Variants in RAB11FIP2 observed in about 807,000 individuals in gnomAD.
RAB11FIP2 encodes rab11 family-interacting protein 2.
RAB11FIP2 carries 16 observed loss-of-function variants against 40.9 expected under a neutral mutation model. That is an observed-to-expected ratio of 0.39 (90% confidence interval 0.26 to 0.59). The LOEUF (loss-of-function observed/expected upper bound fraction) is 0.59, where lower values mean the gene tolerates loss of function less well. Among genes scored for constraint, RAB11FIP2 ranks in the 20% least tolerant of loss-of-function variants. The pLI, the probability that RAB11FIP2 is intolerant of heterozygous loss-of-function variation, is 0.53. For missense variants in RAB11FIP2, 532 were observed against 606.2 expected, an observed-to-expected ratio of 0.88 and a Z score of 1.28; for synonymous variants, 228 against 213.7, an observed-to-expected ratio of 1.07 and a Z score of -0.58.
In RAB11FIP2 at chr10:118,007,837, T is replaced by C. The variant is rs989179660; in HGVS notation, c.*1161A>G. ...TAAAGGGTGGATGTGGAGTAATGCA[T>C]AATGTCACGCTCGTAAAGTTCTCTT... is the stretch of plus-strand genomic sequence containing the variant. On this transcript the variant is annotated 3_prime_UTR_variant, in exon 5 of 5. Transcript: ENST00000355624. The C allele has an allele frequency of 6.6e-6, 1 of 152,450 alleles. No individual in the cohort carries two copies. Among genetic ancestry groups the C allele is most frequent in the African/African-American group, 2.4e-5 (1 of 41,440 alleles). The allele number at this position is 152,450 out of a possible 1,614,324, so 9.4% of individuals were successfully genotyped here. A position where few individuals can be genotyped will look rare whatever the true frequency, so the allele number is the denominator to read the frequency against.
intron 3 of RAB11FIP2, among the ~76,000 whole-genome samples, chr10:118,033,537 G>C (rs948339631): frequency 3.3e-5 from 5 of 152,122 alleles, no homozygotes; most frequent in Admixed American, 6.5e-5. Context: ...AACACTCAGA[G>C]ATGAGTTGAG....
intron 3 of RAB11FIP2, among the ~76,000 whole-genome samples, chr10:118,034,604 G>A (rs550655441): frequency 6.6e-6 from 1 of 152,148 alleles, no homozygotes; most frequent in Non-Finnish European, 1.5e-5. Context: ...CAAATTGTGT[G>A]ATAAACCAAA....
intron 4 of RAB11FIP2, among the ~76,000 whole-genome samples, chr10:118,009,738 C>A (rs557463754): frequency 2.0e-5 from 3 of 152,028 alleles, no homozygotes; most frequent in Non-Finnish European, 4.4e-5. Flanking sequence ...TGGAAGCACT[C>A]GGAATTAAAT....
At chr10:118,035,381 C>G (rs1043434909) in intron 3 of RAB11FIP2, among the ~76,000 whole-genome samples, 3 of 152,102 alleles carry the variant, frequency 2.0e-5, no homozygotes, top group Non-Finnish European at 4.4e-5. Context: ...TCCTTTAAAA[C>G]TTAGATTTTT....
rs148510959 is a variant in RAB11FIP2, at chr10:118,012,130, T to C, written c.1312-2905A>G. Among the ~76,000 whole-genome samples, 509 of 152,100 alleles carry C rather than the reference T, an allele frequency of 3.3e-3. 2 individuals are homozygous for C. Among genetic ancestry groups the C allele is most frequent in the Middle Eastern group, 6.8e-3 (2 of 294 alleles). ...TTAAAGCCATGATATAAATTAATAG[T>C]TTAATCTTTCAAAATAATCAATTAT... On this transcript the variant is annotated intron_variant, in intron 4 of 4. Coordinates refer to ENST00000355624, the MANE Select transcript of RAB11FIP2 (RefSeq NM_014904.3).
In RAB11FIP2 at chr10:118,046,467, T is replaced by A; in HGVS notation, c.-304A>T. The A allele has an allele frequency of 6.7e-6, 2 of 297,306 alleles. No individual in the cohort carries two copies. Among genetic ancestry groups the A allele is most frequent in the Admixed American group, 4.7e-5 (1 of 21,214 alleles). The allele number at this position is 297,306 out of a possible 1,614,324, so 18.4% of individuals were successfully genotyped here. A position where few individuals can be genotyped will look rare whatever the true frequency, so the allele number is the denominator to read the frequency against. On this transcript the variant is annotated 5_prime_UTR_variant, in exon 1 of 5. Coordinates refer to ENST00000355624, the MANE Select transcript of RAB11FIP2 (RefSeq NM_014904.3). ...ACCTTCCCCAGGCCTGCGGGGCACG[T>A]GAGGCCTGGCCACACGGACCCGGGC...
chr10:118,024,139 TCAAA>T (rs1256853595), intron 3 of RAB11FIP2, among the ~76,000 whole-genome samples: 1 of 148,494 alleles, frequency 6.7e-6, no homozygotes, highest in Non-Finnish European at 1.5e-5. Flanking sequence ...TCAAAGACAG[TCAAA>T]CAACCCACAA....
In RAB11FIP2 at chr10:118,009,161, T is replaced by C; in HGVS notation, c.1376A>G (p.Glu459Gly). ...AAGGAGTTCTTTGTGTTTCACCAGCTCCTGTAGAACCTCTTCATAGGTCAG... is the reference window on the plus strand; with the variant it reads ...AAGGAGTTCTTTGTGTTTCACCAGCCCCTGTAGAACCTCTTCATAGGTCAG... ...RSLTYEEVLQELVKHKELLRR... is the reference protein window; with the variant it reads ...RSLTYEEVLQGLVKHKELLRR... Residue 459 changes from glutamate (E) to glycine (G), a missense_variant, in exon 5 of 5, where the codon GAG (glutamate) becomes GGG (glycine). By Grantham distance (98) the Glu-to-Gly change is moderately conservative. Transcript: ENST00000355624. 6.2e-7 allele frequency: 1 copy of C among 1,613,598 alleles called. No homozygotes were observed. Among genetic ancestry groups the C allele is most frequent in the Non-Finnish European group, 8.5e-7 (1 of 1,179,600 alleles).
intron 3 of RAB11FIP2, among the ~76,000 whole-genome samples, chr10:118,016,647 A>G (rs1846223161): frequency 6.6e-6 from 1 of 152,180 alleles, no homozygotes; most frequent in South Asian, 2.1e-4. Flanking sequence ...ATTCTGCTAC[A>G]TCTCCCATCT....
In RAB11FIP2 at chr10:118,008,725, G is replaced by T; in HGVS notation, c.*273C>A. ...TTTCTGGGCCTATGGCAGATTAGTG[G>T]GTCAGTACCAGCACCTGAGTGAGTC... is the stretch of plus-strand genomic sequence containing the variant. On this transcript the variant is annotated 3_prime_UTR_variant, in exon 5 of 5. Coordinates refer to ENST00000355624, the MANE Select transcript of RAB11FIP2 (RefSeq NM_014904.3). 2.7e-6 allele frequency: 1 copy of T among 373,556 alleles called. No homozygotes were observed. Among genetic ancestry groups the T allele is most frequent in the South Asian group, 3.4e-5 (1 of 29,304 alleles). The allele number at this position is 373,556 out of a possible 1,614,324, so 23.1% of individuals were successfully genotyped here.
intron 3 of RAB11FIP2, among the ~76,000 whole-genome samples, chr10:118,027,246 C>T (rs1323503921): frequency 1.3e-5 from 2 of 152,148 alleles, no homozygotes; most frequent in African/African-American, 4.8e-5. Context: ...AGTAAGGCCA[C>T]GCGGCTAACA....
intron 2 of RAB11FIP2, 41 bp downstream of exon 2, chr10:118,040,082 G>T: frequency 6.6e-7 from 1 of 1,519,180 alleles, no homozygotes; most frequent in Non-Finnish European, 9.0e-7. Context: ...AAACTAAAAG[G>T]GTAGTTCAGA....
At chr10:118,021,047 C>T (rs1167491644) in intron 3 of RAB11FIP2, among the ~76,000 whole-genome samples, 1 of 151,196 alleles carries the variant, frequency 6.6e-6, no homozygotes, top group East Asian at 1.9e-4. Context: ...AATGATAATT[C>T]ACTGCTAGCC....
rs529377317 is a variant in RAB11FIP2 at position 118,015,385 on chromosome 10, T to C, written c.1266-275A>G. Reference sequence around the variant, plus strand: ...TAAACAACTTTAAACATAGCACTTTTATCCAGCAAGATATTTTGCAAAACT... The same window carrying C: ...TAAACAACTTTAAACATAGCACTTTCATCCAGCAAGATATTTTGCAAAACT... On this transcript the variant is annotated intron_variant, in intron 3 of 4. Transcript: ENST00000355624. 5.9e-5 allele frequency among the ~76,000 whole-genome samples: 9 copies of C among 152,338 alleles called. No individual in the cohort carries two copies. The East Asian group carries it at 1.4e-3, about 23-fold the overall frequency.
intron 3 of RAB11FIP2, among the ~76,000 whole-genome samples, chr10:118,016,620 A>G (rs971216810): frequency 7.9e-5 from 12 of 152,168 alleles, no homozygotes; most frequent in Admixed American, 5.9e-4. Context: ...CATGTTTTCT[A>G]ATAGGTCAAG....
At chr10:118,042,836 C>CA (rs1028165687) in intron 1 of RAB11FIP2, among the ~76,000 whole-genome samples, 2 of 151,394 alleles carry the variant, frequency 1.3e-5, no homozygotes, top group Non-Finnish European at 2.9e-5. Flanking sequence ...CCCCACCCCC[C>CA]AAAAAAAACT....
chr10:118,045,894 G>A lies in RAB11FIP2; in HGVS notation c.270C>T (p.Ser90=). 6.2e-7 allele frequency: 1 copy of A among 1,614,056 alleles called. No individual in the cohort carries two copies. The highest frequency in any genetic ancestry group is 8.5e-7 in the Non-Finnish European group (1 of 1,179,996). The change falls in exon 1 of 5, where the codon TCC becomes TCT. Residue 90 remains serine, a synonymous_variant. Transcript: ENST00000355624. Reference sequence around the variant, plus strand: ...CTAAAAATTTATCCAGACCCACCAGGGACCTGTGCATAACTATAAGGAAAA... The same window carrying A: ...CTAAAAATTTATCCAGACCCACCAGAGACCTGTGCATAACTATAAGGAAAA... The part of the protein sequence containing the change: ...YILFLIVMHR[S]LVGLDKFLGQ...
At chr10:118,038,259 T>C (rs1846507001) in intron 3 of RAB11FIP2, among the ~76,000 whole-genome samples, 1 of 151,044 alleles carries the variant, frequency 6.6e-6, no homozygotes. Context: ...TAGATATAAA[T>C]TTATATAGAT....
At position 118,040,576 on chromosome 10, in the gene RAB11FIP2, A is replaced by G; in HGVS notation, c.354-11T>C. 6.4e-7 allele frequency: 1 copy of G among 1,555,972 alleles called. No individual in the cohort carries two copies. The highest frequency in any genetic ancestry group is 8.7e-7 in the Non-Finnish European group (1 of 1,152,144). On this transcript the variant is annotated splice_polypyrimidine_tract_variant and intron_variant, in intron 1 of 4. Transcript: ENST00000355624. ...TCTAATCTAAACCACCTTAAAGAGA[A>G]GAAAAAAAAATTGGCTGTAACACAT...
Sources: allele counts gnomAD v4.1 joint callset (sites outside exome capture counted in the v4.1 genomes callset), GRCh38; gene constraint gnomAD v4.1.1; transcripts MANE v1.5; gene names NCBI Gene and HGNC (gene_info 2026-07-23, HGNC 2026-07-21).